The following NFYA variants were observed in gnomAD, a reference collection of about 807,000 sequenced individuals.
The protein encoded by NFYA is nuclear transcription factor Y subunit alpha, also known as CAAT-box DNA binding protein subunit A.
Under a neutral mutation model 52.8 loss-of-function variants are expected in NFYA, and 28 were observed. That is an observed-to-expected ratio of 0.53 (90% CI 0.39 to 0.73). The LOEUF (loss-of-function observed/expected upper bound fraction) is 0.73. Among genes scored for constraint, NFYA ranks in the 30% least tolerant of loss-of-function variants. The probability of loss-of-function intolerance (pLI) is 0.00; values close to 1 mark genes in which losing one functional copy is unlikely to be tolerated. For missense variants in NFYA, 234 were observed against 427.0 expected (o/e 0.55, Z 3.98); for synonymous variants, 150 against 150.7 (o/e 1.00, Z 0.03).
intron 3 of NFYA, among the ~76,000 whole-genome samples, chr6:41,081,883 A>C (rs1763918070): frequency 6.6e-6 from 1 of 152,200 alleles, no homozygotes; most frequent in African/African-American, 2.4e-5. Flanking sequence ...TAATCAATAC[A>C]GTTCTTTAGC....
intron 7 of NFYA, among the ~76,000 whole-genome samples, chr6:41,092,493 T>C (rs867731666): frequency 6.6e-6 from 1 of 152,264 alleles, no homozygotes; most frequent in Non-Finnish European, 1.5e-5. Context: ...TACAGTGTTT[T>C]GGTGTTTTTT....
chr6:41,078,525 C>T (rs1324838183), intron 1 of NFYA, among the ~76,000 whole-genome samples: 2 of 152,280 alleles, frequency 1.3e-5, no homozygotes, highest in South Asian at 2.1e-4. Context: ...TAAAGGTTCT[C>T]AGATATCATT....
At chr6:41,091,155 A>G (rs1009283988) in intron 6 of NFYA, among the ~76,000 whole-genome samples, 1 of 152,238 alleles carries the variant, frequency 6.6e-6, no homozygotes, top group African/African-American at 2.4e-5. Context: ...AGTTTGAGAT[A>G]AACAAAGTAT....
intron 1 of NFYA, among the ~76,000 whole-genome samples, chr6:41,077,827 C>G (rs148138563): frequency 0.014 from 2,191 of 152,252 alleles, 50 homozygotes; most frequent in African/African-American, 0.041. Context: ...TTTGGAGAAC[C>G]ATATGGCCAC....
chr6:41,091,483 C>T (rs761509498), intron 6 of NFYA, 45 bp from the exon 7 acceptor site: 16 of 1,590,196 alleles, frequency 1.0e-5, no homozygotes, highest in East Asian at 2.2e-5. Context: ...TCTTTCTGTT[C>T]TGTGTGCCTG....
chr6:41,089,034 G>A (rs770748698), intron 4 of NFYA, among the ~76,000 whole-genome samples: 17 of 152,124 alleles, frequency 1.1e-4, no homozygotes, highest in Non-Finnish European at 2.1e-4. Flanking sequence ...CGCCCAGGCT[G>A]GAGTGCAGTG....
At chr6:41,074,711 T>A (rs538663473) in intron 1 of NFYA, among the ~76,000 whole-genome samples, 1 of 152,318 alleles carries the variant, frequency 6.6e-6, no homozygotes, top group South Asian at 2.1e-4. Context: ...TGCTAAGGAA[T>A]ATTTTGGAAA....
rs1211947695 is a variant in NFYA at position 41,097,915 on chromosome 6, G to A, written c.*505G>A. 1 of 153,224 alleles carries A rather than the reference G, an allele frequency of 6.5e-6. No individual in the cohort carries two copies. The highest frequency in any genetic ancestry group is 2.4e-5 in the African/African-American group (1 of 41,458). 9.5% of individuals were successfully genotyped at this position (153,224 alleles called of 1,614,324 possible). A position where few individuals can be genotyped will look rare whatever the true frequency, so the allele number is the denominator to read the frequency against. On this transcript the variant is annotated 3_prime_UTR_variant, in exon 10 of 10. Transcript: ENST00000341376. ...TCCAGGCAAGGAAGTTCTATCTTGT[G>A]ATACGGAAACAATAAATTCCTGAGA... is the stretch of plus-strand genomic sequence containing the variant.
chr6:41,092,836 A>G, intron 7 of NFYA, 76 bp from the exon 8 acceptor site: 1 of 1,474,950 alleles, frequency 6.8e-7, no homozygotes, highest in Non-Finnish European at 9.1e-7. Flanking sequence ...AAAAAAATGG[A>G]TGAAGAGGAA....
Position 41,097,670 on chromosome 6 carries a change from G to A in NFYA, c.*260G>A. ...TTGACATTTCATGGATTCGGATGAT[G>A]CAAGGAGACACATGCCACCCCAGCA... On this transcript the variant is annotated 3_prime_UTR_variant, in exon 10 of 10. Coordinates refer to ENST00000341376, the MANE Select transcript of NFYA (RefSeq NM_002505.5). The A allele has an allele frequency of 2.5e-6, 1 of 402,872 alleles. No homozygotes were observed. Among genetic ancestry groups the A allele is most frequent in the East Asian group, 4.6e-5 (1 of 21,972 alleles). The allele number at this position is 402,872 out of a possible 1,614,324, so 25.0% of individuals were successfully genotyped here. A position where few individuals can be genotyped will look rare whatever the true frequency, so the allele number is the denominator to read the frequency against.
chr6:41,088,703 G>C (rs1367839144), intron 4 of NFYA, among the ~76,000 whole-genome samples: 2 of 151,606 alleles, frequency 1.3e-5, no homozygotes, highest in African/African-American at 2.4e-5. Context: ...TCCCACCTCA[G>C]TTCCCCAAGT....
intron 4 of NFYA, among the ~76,000 whole-genome samples, chr6:41,086,376 T>G (rs908707554): frequency 6.6e-5 from 10 of 152,232 alleles, no homozygotes; most frequent in Non-Finnish European, 1.5e-4. Flanking sequence ...ATAAGGAACC[T>G]TCAAATAGTT....
At chr6:41,087,026 G>C (rs372027083) in intron 4 of NFYA, among the ~76,000 whole-genome samples, 14 of 152,146 alleles carry the variant, frequency 9.2e-5, no homozygotes, top group African/African-American at 3.1e-4. Context: ...GTGAAAACTT[G>C]GAAAAGATAT....
intron 4 of NFYA, among the ~76,000 whole-genome samples, chr6:41,088,741 T>C (rs1764116403): frequency 6.6e-6 from 1 of 151,872 alleles, no homozygotes; most frequent in Non-Finnish European, 1.5e-5. Context: ...TGTCCTACCA[T>C]GCCTGGATAA....
chr6:41,090,422 CAA>C lies in NFYA; in HGVS notation c.547+124_547+125del, dbSNP rs368610238. The C allele has an allele frequency of 3.3e-3, 1,445 of 442,568 alleles. 2 individuals are homozygous for C. Among genetic ancestry groups the C allele is most frequent in the African/African-American group, 9.6e-3 (440 of 46,044 alleles). 27.4% of individuals were successfully genotyped at this position (442,568 alleles called of 1,614,324 possible). ...AACTTGACACTACATATTTTTTGGA[CAA>C]AAAAAAAAAAGATTTCCTCTAGCTC... On this transcript the variant is annotated intron_variant, in intron 6 of 9. Coordinates refer to ENST00000341376, the MANE Select transcript of NFYA (RefSeq NM_002505.5).
intron 6 of NFYA, among the ~76,000 whole-genome samples, 181 bp downstream of exon 6, chr6:41,090,490 A>T (rs1311627900): frequency 2.0e-5 from 3 of 152,208 alleles, no homozygotes; most frequent in African/African-American, 4.8e-5. Flanking sequence ...TGTGACCAAC[A>T]GTGATTCCAT....
intron 2 of NFYA, 24 bp from the exon 3 acceptor site, chr6:41,080,787 A>G (rs770292388): frequency 1.3e-6 from 2 of 1,597,084 alleles, no homozygotes; most frequent in Non-Finnish European, 8.6e-7. Context: ...ACATATTTCA[A>G]GCTCTTCCTG....
chr6:41,092,439 C>T (rs1764220976), intron 7 of NFYA, among the ~76,000 whole-genome samples: 1 of 152,174 alleles, frequency 6.6e-6, no homozygotes, highest in South Asian at 2.1e-4. Context: ...TGGGAAAGAG[C>T]TGTGGGGTAC....
chr6:41,094,265 C>CT, intron 8 of NFYA, 131 bp from the exon 9 acceptor site: 1 of 694,576 alleles, frequency 1.4e-6, no homozygotes, highest in Non-Finnish European at 2.5e-6. Context: ...CATCGTCATT[C>CT]TAAGTCATAA....
Sources: allele counts gnomAD v4.1 joint callset (sites outside exome capture counted in the v4.1 genomes callset), GRCh38; gene constraint gnomAD v4.1.1; transcripts MANE v1.5; gene names NCBI Gene and HGNC (gene_info 2026-07-23, HGNC 2026-07-21).